The following PSG11 variants were observed in gnomAD, a reference collection of about 807,000 sequenced individuals.
The protein encoded by PSG11 is pregnancy specific beta-1-glycoprotein 11, also known as pregnancy-specific beta-1-glycoprotein 11.
A neutral mutation model predicts 36.0 loss-of-function variants in PSG11; 42 were observed. The ratio of observed to expected loss-of-function variants is 1.17; its 90% CI spans 0.91 to 1.51. The LOEUF (loss-of-function observed/expected upper bound fraction) is 1.51, where lower values mean the gene tolerates loss of function less well. Among genes scored for constraint, PSG11 ranks in the 40% most tolerant of loss-of-function variants. The pLI is 0.00. For synonymous variants in PSG11, 206 were observed against 153.5 expected (o/e 1.34, Z -2.53); for missense variants, 558 against 403.5 (o/e 1.38, Z -3.28).
At position 43,010,109 on chromosome 19, in the gene PSG11, C is replaced by G. The variant is rs377397370; in HGVS notation, c.965-68G>C. ...ATTTTACATGGGGGAGCGTCAGGAA[C>G]AAGCATGTAACATGAGATACTGTAT... On this transcript the variant is annotated intron_variant, in intron 4 of 5. Transcript: ENST00000320078. The G allele has an allele frequency of 3.3e-5, 51 of 1,560,522 alleles. 4 individuals are homozygous for G. In the African/African-American group the frequency reaches 6.7e-4, roughly 21 times the overall value.
intron 4 of PSG11, among the ~76,000 whole-genome samples, chr19:43,012,143 A>C (rs762411838): frequency 2.0e-5 from 3 of 151,304 alleles, no homozygotes; most frequent in African/African-American, 4.9e-5. Context: ...GAATGGAAGG[A>C]AACCACCTCA....
At chr19:43,009,178 A>G (rs1273610025) in intron 5 of PSG11, among the ~76,000 whole-genome samples, 5 of 151,318 alleles carry the variant, frequency 3.3e-5, no homozygotes, top group Non-Finnish European at 4.4e-5. Context: ...ACATGAACTG[A>G]TCATCAGGAA....
In PSG11 at chr19:43,024,703, A is replaced by C. The variant is rs766883608; in HGVS notation, c.418T>G (p.Phe140Val). The C allele has an allele frequency of 3.1e-6, 5 of 1,610,652 alleles. No homozygotes were observed. Among genetic ancestry groups the C allele is most frequent in the South Asian group, 2.2e-5 (2 of 90,592 alleles). The change falls in exon 2 of 6, where the codon TTC becomes GTC. Residue 140 changes from phenylalanine (F) to valine (V), a missense_variant. Transcript: ENST00000320078. ...TGGAATCACTTACGGTATAAGGTGA[A>C]GGTGAAATATCCAGTTACTCCTCTA... ...GTRGVTGYFT[F>V]TLYLETPKPS...
chr19:43,021,233 C>G (rs1328176661), intron 2 of PSG11, among the ~76,000 whole-genome samples: 13 of 151,318 alleles, frequency 8.6e-5, no homozygotes, highest in Non-Finnish European at 1.3e-4. Flanking sequence ...TTTCCCTACT[C>G]TTTTTGGACT....
chr19:43,024,007 A>G (rs775555755), intron 2 of PSG11, among the ~76,000 whole-genome samples: 3 of 151,510 alleles, frequency 2.0e-5, no homozygotes, highest in East Asian at 1.9e-4. Context: ...TCTGCTTCTG[A>G]GGACATTAGA....
Position 43,015,360 on chromosome 19 carries a change from G to T in PSG11, c.720C>A (p.Asp240Glu). 1 of 1,609,726 alleles carries T rather than the reference G, an allele frequency of 6.2e-7. No individual in the cohort carries two copies. The highest frequency in any genetic ancestry group is 8.5e-7 in the Non-Finnish European group (1 of 1,177,624). Reference sequence around the variant, plus strand: ...TGACTGAAGGGAAAATTCTGGGGAGGTCTGGACCATCTGGAGGAAAGAGAA... The same window carrying T: ...TGACTGAAGGGAAAATTCTGGGGAGTTCTGGACCATCTGGAGGAAAGAGAA... ...PVTLNLLHGP[D>E]LPRIFPSVTS... The change falls in exon 4 of 6, where the codon GAC becomes GAA. Residue 240 changes from aspartate to glutamate, a missense_variant. By Grantham distance (45) the Asp-to-Glu change is conservative. Coordinates refer to ENST00000320078, the MANE Select transcript of PSG11 (RefSeq NM_002785.3).
At chr19:43,024,660 C>T (rs1313008421) in intron 2 of PSG11, 31 bp downstream of exon 2, 4 of 1,609,228 alleles carry the variant, frequency 2.5e-6, no homozygotes, top group Middle Eastern at 1.7e-4. Context: ...CCCTGTCCCC[C>T]AACACCCAGG....
chr19:43,024,347 C>A (rs1568493150), intron 2 of PSG11: 2 of 373,460 alleles, frequency 5.4e-6, no homozygotes, highest in South Asian at 3.8e-5. Context: ...ATCTCAGGGG[C>A]CCCTCAGGTC....
At chr19:43,010,375 T>C (rs1235231691) in intron 4 of PSG11, 7 of 1,545,572 alleles carry the variant, frequency 4.5e-6, no homozygotes, top group Non-Finnish European at 6.1e-6. Context: ...TTTCTCAGTG[T>C]CTCTGTTGTG....
intron 1 of PSG11, among the ~76,000 whole-genome samples, chr19:43,025,760 T>A (rs1967232448): frequency 6.7e-6 from 1 of 149,886 alleles, no homozygotes; most frequent in African/African-American, 2.5e-5. Flanking sequence ...TTATTATCAT[T>A]TTTCAAAATG....
rs1973974645 is a variant in PSG11 at position 43,008,058 on chromosome 19, A to G, written c.*41-16T>C. ...CATAAATCTCCTTGAAGAAAAAGCA[A>G]TTTTGGACTGTAGCTGATTTTAAAT... On this transcript the variant is annotated splice_polypyrimidine_tract_variant and intron_variant, in intron 5 of 5. Coordinates refer to ENST00000320078, the MANE Select transcript of PSG11 (RefSeq NM_002785.3). 5 of 373,156 alleles carry G rather than the reference A, an allele frequency of 1.3e-5. No individual in the cohort carries two copies. The highest frequency in any genetic ancestry group is 2.1e-5 in the African/African-American group (1 of 47,264). 23.1% of individuals were successfully genotyped at this position (373,156 alleles called of 1,614,324 possible). A position where few individuals can be genotyped will look rare whatever the true frequency, so the allele number is the denominator to read the frequency against.
chr19:43,023,500 T>A lies in PSG11; in HGVS notation c.430+1191A>T, dbSNP rs1248803661. Among the ~76,000 whole-genome samples, 7 of 151,102 alleles carry A rather than the reference T, an allele frequency of 4.6e-5. No homozygotes were observed. The East Asian group carries it at 5.8e-4, about 13-fold the overall frequency. On this transcript the variant is annotated intron_variant, in intron 2 of 5. Coordinates refer to ENST00000320078, the MANE Select transcript of PSG11 (RefSeq NM_002785.3). Reference sequence around the variant, plus strand: ...AGATCTGAGGGGGAGGCCTGGACATTTTTTTTGCACTGACTTTGATGGTTG... The same window carrying A: ...AGATCTGAGGGGGAGGCCTGGACATATTTTTTGCACTGACTTTGATGGTTG...
In PSG11 at chr19:43,010,059, G is replaced by GTA. The variant is rs1974034788; in HGVS notation, c.965-19_965-18insTA. On this transcript the variant is annotated intron_variant, in intron 4 of 5. Coordinates refer to ENST00000320078, the MANE Select transcript of PSG11 (RefSeq NM_002785.3). The stretch of plus-strand genomic sequence containing the variant: ...TGGAGGAGCTGTCATGGAAAGAAAA[G>GTA]AAAAGAAGGAATGAAGGTGATGTTA... The GTA allele has an allele frequency of 6.2e-7, 1 of 1,606,234 alleles. No homozygotes were observed. Among genetic ancestry groups the GTA allele is most frequent in the Non-Finnish European group, 8.5e-7 (1 of 1,174,298 alleles).
intron 1 of PSG11, 111 bp from the exon 2 acceptor site, chr19:43,025,167 A>T: frequency 7.2e-7 from 1 of 1,388,252 alleles, no homozygotes; most frequent in Non-Finnish European, 9.8e-7. Flanking sequence ...GAAGACACAC[A>T]CACACACACA....
chr19:43,016,041 C>A, intron 3 of PSG11: 1 of 1,608,916 alleles, frequency 6.2e-7, no homozygotes, highest in Non-Finnish European at 8.5e-7. Context: ...GCATGGGCAG[C>A]TTTGCTGTGT....
chr19:43,018,131 CTTGA>C (rs1260538880), intron 3 of PSG11, among the ~76,000 whole-genome samples: 42 of 151,348 alleles, frequency 2.8e-4, no homozygotes, highest in Admixed American at 7.9e-4. Flanking sequence ...CTATGATCCT[CTTGA>C]TTATGAGATT....
intron 4 of PSG11, among the ~76,000 whole-genome samples, chr19:43,013,090 G>T (rs1256362247): frequency 6.6e-6 from 1 of 151,254 alleles, no homozygotes; most frequent in Non-Finnish European, 1.5e-5. Context: ...AAGAAGAGTG[G>T]AACCTTTACC....
At chr19:43,013,776 C>A (rs564141105) in intron 4 of PSG11, among the ~76,000 whole-genome samples, 5 of 151,458 alleles carry the variant, frequency 3.3e-5, no homozygotes, top group African/African-American at 4.9e-5. Context: ...TCTGGACATA[C>A]TCCCCATAGA....
chr19:43,021,568 G>T (rs1029686087), intron 2 of PSG11, among the ~76,000 whole-genome samples: 2 of 151,280 alleles, frequency 1.3e-5, no homozygotes, highest in African/African-American at 2.4e-5. Context: ...AGCCAGGATG[G>T]TCTCCATCTC....
Sources: allele counts gnomAD v4.1 joint callset (sites outside exome capture counted in the v4.1 genomes callset), GRCh38; gene constraint gnomAD v4.1.1; transcripts MANE v1.5; gene names NCBI Gene and HGNC (gene_info 2026-07-23, HGNC 2026-07-21).